ROBO2: variants seen among roughly 807,000 people sequenced by gnomAD.
The protein encoded by ROBO2 is roundabout homolog 2.
ROBO2 carries 53 observed loss-of-function variants against 160.8 expected under a neutral mutation model. The ratio of observed to expected loss-of-function variants is 0.33; its 90% CI spans 0.26 to 0.41. The LOEUF is 0.41. ROBO2 is among the 10% of genes least tolerant of loss of function. ROBO2 has a pLI of 1.00. For synonymous variants in ROBO2, 664 were observed against 611.7 expected (o/e 1.09, Z -1.26); for missense variants, 1,577 against 1,722.4 (o/e 0.92, Z 1.49).
intron 2 of ROBO2, among the ~76,000 whole-genome samples, chr3:76,922,900 C>G (rs1414958065): frequency 6.6e-6 from 1 of 152,210 alleles, no homozygotes; most frequent in Non-Finnish European, 1.5e-5. Context: ...GTCACTGATA[C>G]AGGCTTTCCA....
intron 2 of ROBO2, among the ~76,000 whole-genome samples, chr3:76,237,246 A>G (rs1486317191): frequency 6.6e-6 from 1 of 152,176 alleles, no homozygotes; most frequent in Non-Finnish European, 1.5e-5. Context: ...ACTTTAATAT[A>G]AAAACTGTGA....
intron 2 of ROBO2, among the ~76,000 whole-genome samples, chr3:76,968,268 G>A (rs867985116): frequency 2.0e-5 from 3 of 152,050 alleles, no homozygotes; most frequent in African/African-American, 4.8e-5. Flanking sequence ...GCAGCTATAC[G>A]TTATGTTTAT....
At chr3:76,862,745 T>C (rs1475393850) in intron 2 of ROBO2, among the ~76,000 whole-genome samples, 3 of 152,088 alleles carry the variant, frequency 2.0e-5, no homozygotes, top group African/African-American at 7.2e-5. Context: ...TTTTCTCAAA[T>C]GCCAAGATGT....
chr3:76,711,199 T>C (rs2093285887), intron 2 of ROBO2, among the ~76,000 whole-genome samples: 1 of 152,186 alleles, frequency 6.6e-6, no homozygotes, highest in Admixed American at 6.5e-5. Flanking sequence ...GGAACATGAC[T>C]AGGAAGTCTC....
intron 2 of ROBO2, among the ~76,000 whole-genome samples, chr3:77,302,323 A>G (rs1184535190): frequency 1.3e-5 from 2 of 152,130 alleles, no homozygotes; most frequent in East Asian, 3.9e-4. Context: ...GAACTAATGA[A>G]TACATATAAA....
At chr3:77,027,642 C>T (rs942054894) in intron 2 of ROBO2, among the ~76,000 whole-genome samples, 3 of 152,154 alleles carry the variant, frequency 2.0e-5, no homozygotes, top group African/African-American at 4.8e-5. Flanking sequence ...CTTTATTGAA[C>T]TACAGTAGTT....
intron 2 of ROBO2, among the ~76,000 whole-genome samples, chr3:77,454,903 T>G (rs921823115): frequency 1.3e-5 from 2 of 152,222 alleles, no homozygotes; most frequent in African/African-American, 2.4e-5. Context: ...TAGCTTTTTC[T>G]TATAGTGAAC....
chr3:77,027,460 A>G (rs530761357), intron 2 of ROBO2, among the ~76,000 whole-genome samples: 1 of 152,334 alleles, frequency 6.6e-6, no homozygotes, highest in South Asian at 2.1e-4. Flanking sequence ...ATCGGTAAAC[A>G]TTCCAGAGAG....
chr3:76,410,657 C>T (rs534096454), intron 2 of ROBO2, among the ~76,000 whole-genome samples: 3 of 151,960 alleles, frequency 2.0e-5, no homozygotes, highest in East Asian at 1.9e-4. Flanking sequence ...TTTGAACACC[C>T]GATTATGTAG....
At chr3:76,605,314 G>C (rs932237667) in intron 2 of ROBO2, among the ~76,000 whole-genome samples, 1 of 151,858 alleles carries the variant, frequency 6.6e-6, no homozygotes, top group Non-Finnish European at 1.5e-5. Context: ...AATTCTTAGA[G>C]CACAACTCTC....
At chr3:77,172,319 G>A (rs1237074738) in intron 2 of ROBO2, among the ~76,000 whole-genome samples, 1 of 152,008 alleles carries the variant, frequency 6.6e-6, no homozygotes, top group African/African-American at 2.4e-5. Flanking sequence ...CCTAATGTTG[G>A]TTATCTCCTA....
chr3:76,578,988 G>A (rs2085483289), intron 2 of ROBO2, among the ~76,000 whole-genome samples: 1 of 152,056 alleles, frequency 6.6e-6, no homozygotes, highest in Admixed American at 6.6e-5. Flanking sequence ...TGCTAGCCAG[G>A]TGATTTTCTC....
chr3:77,095,511 A>G (rs2070920537), intron 1 of ROBO2, among the ~76,000 whole-genome samples: 1 of 152,292 alleles, frequency 6.6e-6, no homozygotes, highest in African/African-American at 2.4e-5. Flanking sequence ...TTACTTGCTT[A>G]CTTTTAATAG....
intron 2 of ROBO2, among the ~76,000 whole-genome samples, chr3:76,024,975 T>C (rs887245695): frequency 1.3e-5 from 2 of 150,454 alleles, no homozygotes; most frequent in East Asian, 3.9e-4. Context: ...TGTATATATA[T>C]ATGCTTAAAG....
chr3:76,868,376 C>G (rs2071606189), intron 2 of ROBO2, among the ~76,000 whole-genome samples: 1 of 152,086 alleles, frequency 6.6e-6, no homozygotes. Context: ...GATCATTGCT[C>G]CTGAATGAAC....
At chr3:76,029,364 T>A (rs1057333193) in intron 2 of ROBO2, among the ~76,000 whole-genome samples, 1 of 152,052 alleles carries the variant, frequency 6.6e-6, no homozygotes, top group Admixed American at 6.6e-5. Context: ...CTTCTTACAT[T>A]TCTTTATTAT....
chr3:77,098,411 C>T (rs904507788), intron 2 of ROBO2, 71 bp downstream of exon 2: 1 of 1,455,312 alleles, frequency 6.9e-7, no homozygotes, highest in Non-Finnish European at 9.6e-7. Flanking sequence ...GATGTGTTCC[C>T]ATAGACGCTG....
At chr3:76,669,821 A>G (rs2092195147) in intron 2 of ROBO2, among the ~76,000 whole-genome samples, 2 of 152,184 alleles carry the variant, frequency 1.3e-5, no homozygotes, top group Admixed American at 6.6e-5. Flanking sequence ...TGTTTCCATC[A>G]ATACGTTAAC....
At chr3:76,895,414 A>G (rs1443411171) in intron 2 of ROBO2, among the ~76,000 whole-genome samples, 2 of 152,044 alleles carry the variant, frequency 1.3e-5, no homozygotes, top group Non-Finnish European at 2.9e-5. Flanking sequence ...GCTGTCATAA[A>G]TAAGTATTAT....
Sources: allele counts gnomAD v4.1 joint callset (sites outside exome capture counted in the v4.1 genomes callset), GRCh38; gene constraint gnomAD v4.1.1; transcripts MANE v1.5; gene names NCBI Gene and HGNC (gene_info 2026-07-23, HGNC 2026-07-21).